Variants in DERA observed in about 807,000 individuals in gnomAD.
DERA encodes deoxyribose-phosphate aldolase, also known as 2-deoxy-D-ribose 5-phosphate aldolase.
DERA carries 15 observed loss-of-function variants against 41.1 expected under a neutral mutation model. The ratio of observed to expected loss-of-function variants is 0.37; its 90% CI spans 0.24 to 0.56. The LOEUF is 0.56. Ranked by LOEUF, DERA falls within the 20% of genes least tolerant of loss-of-function variation. The pLI is 0.81. For missense variants in DERA, 396 were observed against 403.4 expected (o/e 0.98, Z 0.16); for synonymous variants, 139 against 137.4 (o/e 1.01, Z -0.08).
chr12:15,978,425 G>C (rs1460216393), intron 5 of DERA, among the ~76,000 whole-genome samples: 1 of 152,184 alleles, frequency 6.6e-6, no homozygotes, highest in Non-Finnish European at 1.5e-5. Flanking sequence ...TGGGAAGCTA[G>C]TATTGAATGA....
chr12:15,911,516 CG>C lies in DERA; in HGVS notation c.31+103del. 2.5e-6 allele frequency: 3 copies of C among 1,214,322 alleles called. No individual in the cohort carries two copies. In the South Asian group the frequency reaches 4.7e-5, roughly 19 times the overall value. The allele number at this position is 1,214,322 out of a possible 1,614,324, so 75.2% of individuals were successfully genotyped here. On this transcript the variant is annotated intron_variant, in intron 1 of 8. Transcript: ENST00000428559. This position sits in a 1 kb window ranked among gnomAD's most constrained non-coding sequence, Gnocchi z 4.5. The stretch of plus-strand genomic sequence containing the variant: ...GCCCAGTGCCCTGGCTGTGGGTCCC[CG>C]AGGGGTTTTCGCTGGGGCGGGAAGC...
At chr12:15,919,236 C>T (rs924035405) in intron 1 of DERA, among the ~76,000 whole-genome samples, 6 of 151,456 alleles carry the variant, frequency 4.0e-5, no homozygotes, top group South Asian at 2.1e-4. Flanking sequence ...AAGTCCTCTG[C>T]GGTGCCTGCT....
chr12:15,942,361 T>A (rs1948414899), intron 1 of DERA, among the ~76,000 whole-genome samples: 1 of 152,234 alleles, frequency 6.6e-6, no homozygotes, highest in Non-Finnish European at 1.5e-5. Flanking sequence ...AGCTTCTTAG[T>A]TTAATTAGGT....
intron 6 of DERA, among the ~76,000 whole-genome samples, chr12:16,023,481 T>A (rs1373116836): frequency 6.9e-6 from 1 of 144,802 alleles, no homozygotes; most frequent in East Asian, 2.0e-4. Flanking sequence ...GTCTTTTTTT[T>A]TTTTTTTTTT....
At chr12:16,005,705 A>T (rs142364887) in intron 6 of DERA, among the ~76,000 whole-genome samples, 2 of 152,342 alleles carry the variant, frequency 1.3e-5, no homozygotes, top group East Asian at 1.9e-4. Context: ...AAAAACTTCT[A>T]TATTTTTGGA....
intron 6 of DERA, among the ~76,000 whole-genome samples, chr12:16,023,073 A>G (rs1249463919): frequency 2.6e-5 from 4 of 152,212 alleles, no homozygotes; most frequent in African/African-American, 9.6e-5. Flanking sequence ...GAGAAAAGCT[A>G]AGAAACATTT....
intron 1 of DERA, among the ~76,000 whole-genome samples, chr12:15,926,448 G>C (rs1225681317): frequency 6.6e-6 from 1 of 152,064 alleles, no homozygotes; most frequent in South Asian, 2.1e-4. Context: ...CAAGAAACAA[G>C]AGAATTGGCC....
rs113335570 is a variant in DERA at position 15,958,503 on chromosome 12, A to G, written c.277+168A>G. ...TTCTTCTCTGAAAAACAGCAGGAAGAGAATCTGAGTCTTTTTTTTTTTTTT... is the reference window on the plus strand; with the variant it reads ...TTCTTCTCTGAAAAACAGCAGGAAGGGAATCTGAGTCTTTTTTTTTTTTTT... On this transcript the variant is annotated intron_variant, in intron 3 of 8. Coordinates refer to ENST00000428559, the MANE Select transcript of DERA (RefSeq NM_015954.4). 2.0e-3 allele frequency among the ~76,000 whole-genome samples: 295 copies of G among 147,898 alleles called. 2 individuals carry two copies. Among genetic ancestry groups the G allele is most frequent in the African/African-American group, 7.0e-3 (282 of 40,536 alleles).
intron 5 of DERA, among the ~76,000 whole-genome samples, chr12:15,969,367 C>T (rs1948644826): frequency 6.6e-6 from 1 of 152,184 alleles, no homozygotes; most frequent in Admixed American, 6.5e-5. Context: ...AGGAATCTAG[C>T]TCCATGAGCT....
At chr12:15,926,852 T>C (rs559045135) in intron 1 of DERA, among the ~76,000 whole-genome samples, 2 of 152,064 alleles carry the variant, frequency 1.3e-5, no homozygotes, top group Admixed American at 1.3e-4. Flanking sequence ...ACAACTGGAA[T>C]TCAGCCCTCA....
chr12:15,971,845 G>A (rs527852400), intron 5 of DERA: 2 of 281,058 alleles, frequency 7.1e-6, no homozygotes, highest in South Asian at 4.2e-5. Context: ...GATAATTCAG[G>A]AACCATTGCT....
In DERA at chr12:16,009,465, A is replaced by C. The variant is rs1948933646; in HGVS notation, c.638-23077A>C. ...AAAATTGGGCCAAGTCAACCCAGAA[A>C]ACCTCTTCTCAAGAGTAAATTTATG... On this transcript the variant is annotated intron_variant, in intron 6 of 8. Transcript: ENST00000428559. This position sits in a 1 kb window ranked among gnomAD's most constrained non-coding sequence, Gnocchi z 5.3. Among the ~76,000 whole-genome samples, 1 of 152,176 alleles carries C rather than the reference A, an allele frequency of 6.6e-6. No homozygotes were observed. The highest frequency in any genetic ancestry group is 2.4e-5 in the African/African-American group (1 of 41,444).
Position 16,033,536 on chromosome 12 carries a change from A to G in DERA, c.750+882A>G, listed in dbSNP as rs138566083. Among the ~76,000 whole-genome samples, 194 of 151,082 alleles carry G rather than the reference A, an allele frequency of 1.3e-3. 2 individuals are homozygous for G. The highest frequency in any genetic ancestry group is 4.6e-3 in the African/African-American group (190 of 41,084). On this transcript the variant is annotated intron_variant, in intron 7 of 8. Coordinates refer to ENST00000428559, the MANE Select transcript of DERA (RefSeq NM_015954.4). ...ATCTCAAGTTACTTGTTTAGCTGCA[A>G]ATTATCTCAAAGGATTTTTTTTTTT...
chr12:15,939,903 T>A (rs1948397064), intron 1 of DERA, among the ~76,000 whole-genome samples: 1 of 152,232 alleles, frequency 6.6e-6, no homozygotes, highest in South Asian at 2.1e-4. Context: ...ATAAAATGTT[T>A]AAAATTTGGC....
intron 1 of DERA, among the ~76,000 whole-genome samples, chr12:15,949,749 C>T (rs916898615): frequency 2.6e-5 from 4 of 152,164 alleles, no homozygotes; most frequent in Non-Finnish European, 5.9e-5. Flanking sequence ...GAACCCGGTA[C>T]CTCAGTTGGA....
rs1565590662 is a variant in DERA, at chr12:15,943,741, T to TTTA, written c.32-13195_32-13194insTTA. Reference sequence around the variant, plus strand: ...TATTTATTTATTTATTTATTTATTTTATTATACTTTAAGTTCTAGGATACA... The same window carrying TTTA: ...TATTTATTTATTTATTTATTTATTTTTTAATTATACTTTAAGTTCTAGGATACA... On this transcript the variant is annotated intron_variant, in intron 1 of 8. Coordinates refer to ENST00000428559, the MANE Select transcript of DERA (RefSeq NM_015954.4). The surrounding 1 kb of genome is among the most constrained non-coding windows in gnomAD (Gnocchi z 4.5). Among the ~76,000 whole-genome samples the TTTA allele has an allele frequency of 1.0e-4, 11 of 106,980 alleles. No homozygotes were observed. Among genetic ancestry groups the TTTA allele is most frequent in the African/African-American group, 3.7e-4 (11 of 29,444 alleles). The allele number at this position is 106,980 out of a possible 152,430, so 70.2% of individuals were successfully genotyped here.
intron 6 of DERA, among the ~76,000 whole-genome samples, chr12:16,027,988 A>G (rs11056757): frequency 0.051 from 7,774 of 152,302 alleles, 690 homozygotes; most frequent in East Asian, 0.44. Context: ...GTATCCATGG[A>G]TTCCATATAT....
In DERA at chr12:15,985,567, T is replaced by G. The variant is rs1330186897; in HGVS notation, c.637+3131T>G. ...AGAGAGCCAAGTTTTTATTTTGTTGTTTTTTTTTCATTACTTTTCAGTGAA... is the reference window on the plus strand; with the variant it reads ...AGAGAGCCAAGTTTTTATTTTGTTGGTTTTTTTTCATTACTTTTCAGTGAA... On this transcript the variant is annotated intron_variant, in intron 6 of 8. Coordinates refer to ENST00000428559, the MANE Select transcript of DERA (RefSeq NM_015954.4). This position sits in a 1 kb window ranked among gnomAD's most constrained non-coding sequence, Gnocchi z 4.2. Among the ~76,000 whole-genome samples the G allele has an allele frequency of 2.9e-5, 3 of 103,144 alleles. No individual in the cohort carries two copies. Among genetic ancestry groups the G allele is most frequent in the African/African-American group, 8.9e-5 (3 of 33,520 alleles). The allele number at this position is 103,144 out of a possible 152,430, so 67.7% of individuals were successfully genotyped here.
Position 15,924,562 on chromosome 12 carries a change from G to C in DERA, c.31+13148G>C, listed in dbSNP as rs943821914. Among the ~76,000 whole-genome samples, 3 of 152,180 alleles carry C rather than the reference G, an allele frequency of 2.0e-5. No individual in the cohort carries two copies. The highest frequency in any genetic ancestry group is 4.4e-5 in the Non-Finnish European group (3 of 68,032). ...ACAAGTATGGTGTGACCTTGAACAA[G>C]TAATTTAATATCTGAGCTTCAGCTG... On this transcript the variant is annotated intron_variant, in intron 1 of 8. Transcript: ENST00000428559. This position sits in a 1 kb window ranked among gnomAD's most constrained non-coding sequence, Gnocchi z 5.0.
Sources: gnomAD v4.1 joint callset for allele counts (sites outside exome capture counted in the v4.1 genomes callset) on GRCh38, gnomAD v4.1.1 for gene constraint, Gnocchi (gnomAD v3.1) non-coding constraint, MANE v1.5 for transcripts, NCBI Gene and HGNC (gene_info 2026-07-23, HGNC 2026-07-21) for gene names.